Variants in MME observed in about 807,000 individuals in gnomAD.
MME encodes the protein neprilysin.
In MME, 98 loss-of-function variants were observed where a neutral mutation model predicts 113.2. The observed-to-expected ratio is 0.87, with a 90% CI of 0.74 to 1.02. MME has a LOEUF of 1.02. Ranked by LOEUF, MME falls within the 50% of genes least tolerant of loss-of-function variation. The pLI, the probability that MME is intolerant of heterozygous loss-of-function variation, is 0.00. For synonymous variants in MME, 292 were observed against 300.6 expected (o/e 0.97, Z 0.30); for missense variants, 836 against 896.0 (o/e 0.93, Z 0.86).
At position 155,115,014 on chromosome 3, in the gene MME, A is replaced by T. The variant is rs149683309; in HGVS notation, c.217A>T (p.Met73Leu). 6.2e-7 allele frequency: 1 copy of T among 1,614,148 alleles called. No individual in the cohort carries two copies. Residue 73 changes from methionine to leucine, a missense_variant, in exon 4 of 23, where the codon ATG becomes TTG. By Grantham distance (15) the Met-to-Leu change is conservative (BLOSUM62 2). Transcript: ENST00000360490. ...TGCAGCTGCTCGACTGATCCAAAACATGGATGCCACCACTGAGCCTTGTAC... is the reference window on the plus strand; with the variant it reads ...TGCAGCTGCTCGACTGATCCAAAACTTGGATGCCACCACTGAGCCTTGTAC... Reference protein sequence around the residue: ...IKSAARLIQNMDATTEPCTDF... With the variant: ...IKSAARLIQNLDATTEPCTDF...
chr3:155,181,857 G>A lies in MME; in HGVS notation c.*1398G>A, dbSNP rs2108395973. 6.6e-6 allele frequency: 1 copy of A among 152,108 alleles called. No homozygotes were observed. Among genetic ancestry groups the A allele is most frequent in the East Asian group, 1.9e-4 (1 of 5,178 alleles). The allele number at this position is 152,108 out of a possible 1,614,324, so 9.4% of individuals were successfully genotyped here. The stretch of plus-strand genomic sequence containing the variant: ...TTTCCTAACAAAAGATGAAAGCAGG[G>A]AATTTCTATCTAAATGATGAGTATT... On this transcript the variant is annotated 3_prime_UTR_variant, in exon 23 of 23. Coordinates refer to ENST00000360490, the MANE Select transcript of MME (RefSeq NM_007289.4).
chr3:155,048,582 G>A (rs1713647021), intron 1 of MME, among the ~76,000 whole-genome samples: 1 of 152,074 alleles, frequency 6.6e-6, no homozygotes, highest in Non-Finnish European at 1.5e-5. Flanking sequence ...TTGTGTCACT[G>A]TAAAATTAGA....
intron 8 of MME, among the ~76,000 whole-genome samples, chr3:155,133,039 TAAAAAAAAAA>T (rs796968290): frequency 1.0e-4 from 5 of 48,026 alleles, no homozygotes; most frequent in Non-Finnish European, 1.5e-4. Flanking sequence ...AAACCCCGTC[TAAAAAAAAAA>T]AAAAAAAAAA....
chr3:155,067,439 T>C (rs1364760660), intron 1 of MME, among the ~76,000 whole-genome samples: 2 of 150,718 alleles, frequency 1.3e-5, no homozygotes, highest in African/African-American at 4.9e-5. Flanking sequence ...GCCTCCTGAG[T>C]ATCTGGGATT....
rs78284922 is a variant in MME, at chr3:155,054,435, G to A, written c.-10-29723G>A. Among the ~76,000 whole-genome samples, 1,341 of 152,248 alleles carry A rather than the reference G, an allele frequency of 8.8e-3. 23 individuals carry two copies. The highest frequency in any genetic ancestry group is 0.031 in the African/African-American group (1,278 of 41,546). On this transcript the variant is annotated intron_variant, in intron 1 of 22. Transcript: ENST00000492661. ...TTTTATATTTCTGATTTAGCATGAA[G>A]AGGAAGAGTGAAGTCAGGCTATGGA...
intron 15 of MME, 123 bp from the exon 16 acceptor site, chr3:155,148,427 G>GT (rs1215226835): frequency 8.8e-6 from 6 of 680,984 alleles, no homozygotes; most frequent in Admixed American, 2.8e-5. Context: ...TTTTTGGTAA[G>GT]TTTTTTAATG....
chr3:155,025,724 ACT>A lies in MME; in HGVS notation c.-11+1403_-11+1404del, dbSNP rs374526424. Among the ~76,000 whole-genome samples the A allele has an allele frequency of 1.0e-2, 964 of 96,800 alleles. 26 individuals are homozygous for A. The highest frequency in any genetic ancestry group is 0.039 in the African/African-American group (927 of 23,692). 63.5% of individuals were successfully genotyped at this position (96,800 alleles called of 152,430 possible). A position where few individuals can be genotyped will look rare whatever the true frequency, so the allele number is the denominator to read the frequency against. On this transcript the variant is annotated intron_variant, in intron 1 of 22. Coordinates refer to the MME transcript ENST00000492661. The stretch of plus-strand genomic sequence containing the variant: ...TTTTTTTTTTTTGAGACAGAGTTTC[ACT>A]CTGTCGCCCAGGCTGGAGTGCAATG...
chr3:155,068,849 G>A (rs1261572165), intron 1 of MME, among the ~76,000 whole-genome samples: 1 of 152,184 alleles, frequency 6.6e-6, no homozygotes, highest in Non-Finnish European at 1.5e-5. Flanking sequence ...TAATAATCCA[G>A]GGAAAATAAG....
intron 1 of MME, among the ~76,000 whole-genome samples, chr3:155,053,944 C>T (rs73874484): frequency 1.1e-4 from 16 of 152,252 alleles, no homozygotes; most frequent in African/African-American, 3.4e-4. Flanking sequence ...AACCAGTAAC[C>T]CTTTTATAAC....
chr3:155,154,967 A>G (rs1425538268), intron 16 of MME, among the ~76,000 whole-genome samples: 1 of 152,216 alleles, frequency 6.6e-6, no homozygotes, highest in Non-Finnish European at 1.5e-5. Context: ...CCAAGGCAGT[A>G]TCTGCCATGG....
chr3:155,045,721 T>C (rs935688587), intron 1 of MME, among the ~76,000 whole-genome samples: 1 of 151,874 alleles, frequency 6.6e-6, no homozygotes, highest in Non-Finnish European at 1.5e-5. Context: ...TTTTCTCTAG[T>C]CTGTTTTCCA....
chr3:155,036,007 T>C (rs1179296559), intron 1 of MME, among the ~76,000 whole-genome samples: 1 of 152,072 alleles, frequency 6.6e-6, no homozygotes, highest in Non-Finnish European at 1.5e-5. Flanking sequence ...TGAACCAGTA[T>C]AGTTGTGGTG....
intron 3 of MME, among the ~76,000 whole-genome samples, chr3:155,088,355 T>C (rs1050107232): frequency 6.6e-6 from 1 of 150,764 alleles, no homozygotes; most frequent in Non-Finnish European, 1.5e-5. Context: ...TAAAGAAGAG[T>C]GGCCAGAGTA....
In MME at chr3:155,116,987, G is replaced by A. The variant is rs1057519023; in HGVS notation, c.654+1G>A. On this transcript the variant is annotated splice_donor_variant, in intron 7 of 22. Coordinates refer to ENST00000360490, the MANE Select transcript of MME (RefSeq NM_007289.4). LOFTEE classifies it high-confidence loss of function. ...GAATTCTGTGAATCATGTAATTCAT[G>A]TAAGTTTGTGTGTCAAATAACTAAA... 1.4e-6 allele frequency: 2 copies of A among 1,468,744 alleles called. No homozygotes were observed. Among genetic ancestry groups the A allele is most frequent in the East Asian group, 4.5e-5 (2 of 44,094 alleles). The allele number at this position is 1,468,744 out of a possible 1,614,324, so 91.0% of individuals were successfully genotyped here.
chr3:155,118,752 C>T lies in MME; in HGVS notation c.661C>T (p.Gln221Ter), dbSNP rs879253751. Residue 221 changes from glutamine to a stop codon, truncating the protein, a stop_gained, in exon 8 of 23, where the codon CAA (glutamine) becomes TAA (stop). Transcript: ENST00000360490. LOFTEE classifies it high-confidence loss of function. ...NSVNHVIHID[Q>*]PRLGLPSRDY... is the part of the protein sequence containing the mutation. ...TTATGTATATTTTTTATAGATTGAC[C>T]AACCTCGACTTGGCCTCCCTTCTAG... 1 of 1,591,720 alleles carries T rather than the reference C, an allele frequency of 6.3e-7. No individual in the cohort carries two copies. The highest frequency in any genetic ancestry group is 2.2e-5 in the East Asian group (1 of 44,528).
intron 1 of MME, among the ~76,000 whole-genome samples, chr3:155,029,600 T>C (rs1712899905): frequency 6.6e-6 from 1 of 151,840 alleles, no homozygotes; most frequent in Non-Finnish European, 1.5e-5. Flanking sequence ...AAATGAACAG[T>C]TTTAGGACCT....
chr3:155,139,228 C>A (rs987978094), intron 9 of MME, among the ~76,000 whole-genome samples: 11 of 152,210 alleles, frequency 7.2e-5, no homozygotes, highest in African/African-American at 2.6e-4. Flanking sequence ...CCTTCCCAGA[C>A]CATGCGCTCC....
chr3:155,042,918 A>G (rs1255725675), intron 1 of MME, among the ~76,000 whole-genome samples: 7 of 53,596 alleles, frequency 1.3e-4, no homozygotes, highest in East Asian at 6.6e-4. Context: ...ATATATATAT[A>G]TATATATATA....
At chr3:155,036,171 T>C (rs1235052580) in intron 1 of MME, among the ~76,000 whole-genome samples, 1 of 152,184 alleles carries the variant, frequency 6.6e-6, no homozygotes, top group East Asian at 1.9e-4. Context: ...ATATGTCATA[T>C]GTTGTGATAA....
Sources: gnomAD v4.1 joint callset for allele counts (sites outside exome capture counted in the v4.1 genomes callset) on GRCh38, gnomAD v4.1.1 for gene constraint, MANE v1.5 for transcripts, NCBI Gene and HGNC (gene_info 2026-07-23, HGNC 2026-07-21) for gene names.